The following CCNH variants were observed in gnomAD, a reference collection of about 807,000 sequenced individuals.
CCNH encodes the protein cyclin-H.
Under a neutral mutation model 41.9 loss-of-function variants are expected in CCNH, and 31 were observed. The observed-to-expected ratio is 0.74, with a 90% CI of 0.56 to 1.00. CCNH has a LOEUF of 1.00. CCNH is among the 50% of genes least tolerant of loss of function. CCNH has a pLI of 0.00. For synonymous variants in CCNH, 138 were observed against 136.1 expected (o/e 1.01, Z -0.10); for missense variants, 362 against 388.4 (o/e 0.93, Z 0.57).
At chr5:87,403,949 T>C (rs1269104984) in intron 5 of CCNH, among the ~76,000 whole-genome samples, 1 of 152,238 alleles carries the variant, frequency 6.6e-6, no homozygotes, top group Non-Finnish European at 1.5e-5. Context: ...TAATAAATGT[T>C]TGCTTAGTAA....
intron 9 of CCNH, chr5:87,385,502 G>T (rs1580408074): frequency 1.3e-6 from 1 of 794,750 alleles, no homozygotes; most frequent in African/African-American, 1.7e-5. Context: ...AGCGATGAAA[G>T]ATTATTTTTG....
chr5:87,358,191 G>C (rs904770878), intron 9 of CCNH, among the ~76,000 whole-genome samples: 3 of 152,188 alleles, frequency 2.0e-5, no homozygotes, highest in African/African-American at 7.2e-5. Context: ...GTCCTAGCTA[G>C]CTTTGCTTAC....
At chr5:87,314,319 A>G (rs952103715), downstream of CCNH, among the ~76,000 whole-genome samples, 3 of 152,258 alleles carry the variant, frequency 2.0e-5, no homozygotes, top group African/African-American at 7.2e-5. Context: ...TCTGTAAGCA[A>G]TGGGACTTTT....
At chr5:87,389,309 C>T, downstream of CCNH, 1 of 1,544,606 alleles carries the variant, frequency 6.5e-7, no homozygotes, top group Non-Finnish European at 8.9e-7. Flanking sequence ...TCAGCCTGGG[C>T]AACAAGAGCG....
At chr5:87,371,959 A>G (rs1760978630), downstream of CCNH, among the ~76,000 whole-genome samples, 1 of 151,620 alleles carries the variant, frequency 6.6e-6, no homozygotes, top group Non-Finnish European at 1.5e-5. Context: ...TTGTTATTTT[A>G]TTATTGGTTA....
chr5:87,367,313 ATCTTTT>A (rs1347113783), intron 9 of CCNH, among the ~76,000 whole-genome samples: 1 of 152,226 alleles, frequency 6.6e-6, no homozygotes, highest in Non-Finnish European at 1.5e-5. Flanking sequence ...GAATGTTAAT[ATCTTTT>A]TCTTTATTAT....
chr5:87,374,410 G>A, downstream of CCNH: 1 of 1,076,158 alleles, frequency 9.3e-7, no homozygotes. Context: ...TAAACCATCA[G>A]AACAAGGTAC....
chr5:87,375,465 T>C (rs1052509103), downstream of CCNH, among the ~76,000 whole-genome samples: 1 of 152,186 alleles, frequency 6.6e-6, no homozygotes, highest in Admixed American at 6.5e-5. Context: ...TTCAGCATGT[T>C]GGCCAGGCTG....
chr5:87,392,019 G>GA, downstream of CCNH: 1 of 306,506 alleles, frequency 3.3e-6, no homozygotes, highest in Non-Finnish European at 6.4e-6. Context: ...GGCCCAGGGA[G>GA]AAGCTGAAGC....
downstream of CCNH, chr5:87,389,246 G>A (rs1382459821): frequency 1.6e-5 from 15 of 941,830 alleles, no homozygotes; most frequent in East Asian, 3.1e-5. Context: ...CAGGAGAATC[G>A]CTTGAACCCG....
chr5:87,394,190 A>T, downstream of CCNH: 1 of 1,064,978 alleles, frequency 9.4e-7, no homozygotes, highest in Non-Finnish European at 1.2e-6. Context: ...TATTTTGCTT[A>T]AAAAATTAGG....
intron 9 of CCNH, chr5:87,332,708 T>C: frequency 7.0e-7 from 1 of 1,435,938 alleles, no homozygotes; most frequent in Admixed American, 1.8e-5. Flanking sequence ...GTTTTAGCTA[T>C]TGCTCAGTTT....
chr5:87,350,178 A>G (rs995836403), intron 9 of CCNH, among the ~76,000 whole-genome samples: 4 of 151,840 alleles, frequency 2.6e-5, no homozygotes, highest in African/African-American at 9.7e-5. Context: ...AAAAACAAAA[A>G]CAAGTTCTTC....
intron 3 of CCNH, among the ~76,000 whole-genome samples, chr5:87,408,426 C>T (rs1025922848): frequency 6.6e-6 from 1 of 152,156 alleles, no homozygotes; most frequent in Non-Finnish European, 1.5e-5. Context: ...CCATGGCATT[C>T]AAACATCACT....
intron 9 of CCNH, among the ~76,000 whole-genome samples, chr5:87,384,761 T>A (rs1761951192): frequency 6.6e-6 from 1 of 152,128 alleles, no homozygotes; most frequent in Admixed American, 6.6e-5. Context: ...GGGAAGTGCT[T>A]CCTGACTTAC....
downstream of CCNH, among the ~76,000 whole-genome samples, chr5:87,314,132 C>T (rs940840569): frequency 5.9e-5 from 9 of 152,084 alleles, no homozygotes; most frequent in African/African-American, 1.2e-4. Context: ...AAGATCATGC[C>T]ATTGCACTCC....
downstream of CCNH, among the ~76,000 whole-genome samples, chr5:87,316,782 T>TCTTG (rs1166209782): frequency 7.2e-5 from 11 of 152,334 alleles, no homozygotes; most frequent in East Asian, 3.9e-4. Flanking sequence ...ACTGATTTCT[T>TCTTG]CTTGCATGTG....
rs1756705259 is a variant in CCNH at position 87,320,488 on chromosome 5, TA to T, written c.*91-1592del. ...ATGGCTGGAGAGGCCTCAGAAGACT[TA>T]CAATCATGGCAGAAGGCAAAGGGGA... is the stretch of plus-strand genomic sequence containing the variant. On this transcript the variant is annotated intron_variant and NMD_transcript_variant, in intron 9 of 9. Transcript: ENST00000645953. Among the ~76,000 whole-genome samples, 4 of 152,342 alleles carry T rather than the reference TA, an allele frequency of 2.6e-5. No individual in the cohort carries two copies. The South Asian group carries it at 8.3e-4, about 32-fold the overall frequency.
At chr5:87,398,954 T>A (rs970100681) in intron 7 of CCNH, among the ~76,000 whole-genome samples, 1 of 148,348 alleles carries the variant, frequency 6.7e-6, no homozygotes, top group African/African-American at 2.5e-5. Context: ...GTCTGGGCAA[T>A]AGAGCGAGAC....
Sources: allele counts gnomAD v4.1 joint callset (sites outside exome capture counted in the v4.1 genomes callset), GRCh38; gene constraint gnomAD v4.1.1; transcripts MANE v1.5; gene names NCBI Gene and HGNC (gene_info 2026-07-23, HGNC 2026-07-21).